The following SH3TC1 variants were observed in gnomAD, a reference collection of about 807,000 sequenced individuals.
SH3TC1 encodes the protein SH3 domain and tetratricopeptide repeat-containing protein 1.
A neutral mutation model predicts 117.3 loss-of-function variants in SH3TC1; 135 were observed. That is an observed-to-expected ratio of 1.15 (90% CI 1.00 to 1.33). The LOEUF (loss-of-function observed/expected upper bound fraction) is 1.33, where lower values mean the gene tolerates loss of function less well. Ranked by LOEUF, SH3TC1 falls within the 40% of genes most tolerant of loss-of-function variation. The pLI, the probability that SH3TC1 is intolerant of heterozygous loss-of-function variation, is 0.00. For synonymous variants in SH3TC1, 898 were observed against 816.9 expected (o/e 1.10, Z -1.69); for missense variants, 2,092 against 1,794.3 (o/e 1.17, Z -3.00).
chr4:8,233,259 T>C, intron 13 of SH3TC1, 104 bp from the exon 14 acceptor site: 2 of 1,489,570 alleles, frequency 1.3e-6, no homozygotes, highest in Non-Finnish European at 8.9e-7. Context: ...AGAGGGCCGT[T>C]CCCAGTCCCA....
In SH3TC1 at chr4:8,237,530, C is replaced by G; in HGVS notation, c.3613C>G (p.Leu1205Val). Residue 1205 changes from leucine (L) to valine (V), a missense_variant, in exon 17 of 18, where the codon CTG (leucine) becomes GTG (valine). By Grantham distance (32) the Leu-to-Val change is conservative. Coordinates refer to ENST00000245105, the MANE Select transcript of SH3TC1 (RefSeq NM_018986.5). ...CCGGCTGGCCGCCCTGCAACACCGA[C>G]TGGGCCATGGCGAGCTGGCAGAGCA... ...YHRLAALQHR[L>V]GHGELAEHFY... is the part of the protein sequence containing the mutation. 6.2e-7 allele frequency: 1 copy of G among 1,608,896 alleles called. No individual in the cohort carries two copies. Among genetic ancestry groups the G allele is most frequent in the Non-Finnish European group, 8.5e-7 (1 of 1,178,370 alleles).
chr4:8,226,844 C>A (rs1207024813), intron 11 of SH3TC1, 136 bp from the exon 12 acceptor site: 5 of 553,808 alleles, frequency 9.0e-6, no homozygotes, highest in South Asian at 4.7e-5. Flanking sequence ...GGGCTCATGG[C>A]AAGCCGGTAG....
chr4:8,193,901 G>C (rs58214166), intron 1 of SH3TC1, among the ~76,000 whole-genome samples: 2 of 152,176 alleles, frequency 1.3e-5, no homozygotes, highest in Middle Eastern at 3.2e-3. Context: ...GAGAACTGAA[G>C]ATGCTCTGAG....
intron 5 of SH3TC1, among the ~76,000 whole-genome samples, chr4:8,215,425 T>C (rs537997727): frequency 3.9e-5 from 6 of 152,284 alleles, no homozygotes; most frequent in Admixed American, 2.0e-4. Flanking sequence ...ACTGTGGACG[T>C]GGGCTTCTTG....
chr4:8,216,892 G>T (rs1164762259), intron 6 of SH3TC1, 65 bp from the exon 7 acceptor site: 10 of 1,532,734 alleles, frequency 6.5e-6, no homozygotes, highest in Non-Finnish European at 9.0e-6. Flanking sequence ...GCAGGGGTGT[G>T]GGGGGCAGGG....
chr4:8,234,533 A>G (rs892735704), intron 14 of SH3TC1, among the ~76,000 whole-genome samples: 1 of 150,896 alleles, frequency 6.6e-6, no homozygotes, highest in Non-Finnish European at 1.5e-5. Flanking sequence ...CCGTCCATCC[A>G]TCCATCCACC....
intron 2 of SH3TC1, among the ~76,000 whole-genome samples, chr4:8,208,514 T>A (rs1718390437): frequency 6.6e-6 from 1 of 152,046 alleles, no homozygotes; most frequent in Admixed American, 6.5e-5. Context: ...ACTACAGGTG[T>A]GCGCCACCCT....
intron 17 of SH3TC1, 40 bp downstream of exon 17, chr4:8,237,710 C>T: frequency 6.5e-7 from 1 of 1,544,550 alleles, no homozygotes; most frequent in Non-Finnish European, 8.8e-7. Context: ...TTCCCGGCCC[C>T]CTTGGAGTGG....
At chr4:8,235,597 G>C in intron 15 of SH3TC1, 42 bp downstream of exon 15, 2 of 1,519,384 alleles carry the variant, frequency 1.3e-6, no homozygotes, top group Non-Finnish European at 8.9e-7. Flanking sequence ...CCCCAGGGGG[G>C]GCACCTTGAG....
At chr4:8,235,048 C>A (rs542640841) in intron 14 of SH3TC1, among the ~76,000 whole-genome samples, 26 of 152,342 alleles carry the variant, frequency 1.7e-4, no homozygotes, top group African/African-American at 5.3e-4. Flanking sequence ...CCAGCCCACC[C>A]ACAAACACTG....
At chr4:8,221,785 A>G (rs891640995) in intron 9 of SH3TC1, among the ~76,000 whole-genome samples, 2 of 152,224 alleles carry the variant, frequency 1.3e-5, no homozygotes, top group Non-Finnish European at 2.9e-5. Context: ...GCCAGGAGCC[A>G]CAATGATGGC....
intron 3 of SH3TC1, 74 bp from the exon 4 acceptor site, chr4:8,212,627 A>G: frequency 6.3e-7 from 1 of 1,597,444 alleles, no homozygotes; most frequent in South Asian, 1.1e-5. Flanking sequence ...GGAGGCTGGC[A>G]GGTGGAGTAC....
In SH3TC1 at chr4:8,240,685, C is replaced by G. The variant is rs1235012537; in HGVS notation, c.3754-13C>G. 1 of 1,613,850 alleles carries G rather than the reference C, an allele frequency of 6.2e-7. No individual in the cohort carries two copies. Among genetic ancestry groups the G allele is most frequent in the Non-Finnish European group, 8.5e-7 (1 of 1,179,996 alleles). ...GAGTCCCCCTTTTGCTGAGCATGGCCTGTCCCCTTCAGGACCCGTTTGATG... is the reference window on the plus strand; with the variant it reads ...GAGTCCCCCTTTTGCTGAGCATGGCGTGTCCCCTTCAGGACCCGTTTGATG... On this transcript the variant is annotated splice_polypyrimidine_tract_variant and intron_variant, in intron 17 of 17. Transcript: ENST00000245105.
intron 17 of SH3TC1, among the ~76,000 whole-genome samples, chr4:8,239,856 G>A (rs894547902): frequency 5.3e-5 from 8 of 152,232 alleles, no homozygotes; most frequent in East Asian, 1.9e-4. Flanking sequence ...CCATGCACCC[G>A]GCACAGAGTC....
In SH3TC1 at chr4:8,206,832, CGTGT is replaced by C. The variant is rs58753240; in HGVS notation, c.172+1500_172+1503del. Among the ~76,000 whole-genome samples, 15,415 of 144,654 alleles carry C rather than the reference CGTGT, an allele frequency of 0.11. 973 individuals carry two copies. Among genetic ancestry groups the C allele is most frequent in the Non-Finnish European group, 0.14 (9,041 of 65,556 alleles). The allele number at this position is 144,654 out of a possible 152,430, so 94.9% of individuals were successfully genotyped here. A position where few individuals can be genotyped will look rare whatever the true frequency, so the allele number is the denominator to read the frequency against. ...AGGACTTTTACTTTGTGTGTGTACT[CGTGT>C]GTGTGTGTGTGTGTGTGTGTGTGTG... On this transcript the variant is annotated intron_variant, in intron 2 of 17. Coordinates refer to ENST00000245105, the MANE Select transcript of SH3TC1 (RefSeq NM_018986.5). This position sits in a 1 kb window ranked among gnomAD's most constrained non-coding sequence, Gnocchi z 5.5.
At position 8,216,252 on chromosome 4, in the gene SH3TC1, A is replaced by G. The variant is rs752676640; in HGVS notation, c.623A>G (p.Gln208Arg). The G allele has an allele frequency of 2.5e-6, 4 of 1,613,144 alleles. No homozygotes were observed. Among genetic ancestry groups the G allele is most frequent in the Admixed American group, 3.3e-5 (2 of 59,964 alleles). Residue 208 changes from glutamine (Q) to arginine (R), a missense_variant, in exon 6 of 18, where the codon CAA (glutamine) becomes CGA (arginine). Gln to Arg is a conservative substitution (Grantham distance 43, BLOSUM62 1). Transcript: ENST00000245105. The stretch of plus-strand genomic sequence containing the variant: ...CTGACCCACGAGAGCCTCCTCATCC[A>G]AGAAGGTGAGCGTTGCATGGGGTGA... ...LRLTHESLLI[Q>R]EGPFFVLCPD...
chr4:8,233,334 C>A, intron 13 of SH3TC1, 29 bp from the exon 14 acceptor site: 1 of 1,582,988 alleles, frequency 6.3e-7, no homozygotes, highest in South Asian at 1.2e-5. Context: ...GATGACAGCC[C>A]TTGTTCTGAC....
Position 8,186,243 on chromosome 4 carries a change from G to A in SH3TC1, c.-57+4033G>A, listed in dbSNP as rs574879358. 4.6e-5 allele frequency among the ~76,000 whole-genome samples: 7 copies of A among 152,310 alleles called. No individual in the cohort carries two copies. Among genetic ancestry groups the A allele is most frequent in the Middle Eastern group, 3.4e-3 (1 of 294 alleles). The stretch of plus-strand genomic sequence containing the variant: ...TTGCTTGTTGCACATTAAAAGTAAT[G>A]GGAGTGAGGAACATCAGACAAACCC... On this transcript the variant is annotated intron_variant, in intron 1 of 16. Coordinates refer to the SH3TC1 transcript ENST00000508641. This position sits in a 1 kb window ranked among gnomAD's most constrained non-coding sequence, Gnocchi z 5.2.
intron 9 of SH3TC1, among the ~76,000 whole-genome samples, chr4:8,220,005 G>A (rs1480247086): frequency 6.6e-6 from 1 of 152,166 alleles, no homozygotes; most frequent in Non-Finnish European, 1.5e-5. Context: ...CCGTCTCCAC[G>A]TGGCTGTCTT....
Sources: allele counts gnomAD v4.1 joint callset (sites outside exome capture counted in the v4.1 genomes callset), GRCh38; gene constraint gnomAD v4.1.1; non-coding constraint Gnocchi (gnomAD v3.1); transcripts MANE v1.5; gene names NCBI Gene and HGNC (gene_info 2026-07-23, HGNC 2026-07-21).